The following INTS7 variants were observed in gnomAD, a reference collection of about 807,000 sequenced individuals.
INTS7 encodes the protein integrator complex subunit 7.
INTS7 carries 46 observed loss-of-function variants against 109.2 expected under a neutral mutation model. That is an observed-to-expected ratio of 0.42 (90% confidence interval 0.33 to 0.54). The LOEUF is 0.54. Ranked by LOEUF, INTS7 falls within the 20% of genes least tolerant of loss-of-function variation. The pLI, the probability that INTS7 is intolerant of heterozygous loss-of-function variation, is 0.07. For synonymous variants in INTS7, 412 were observed against 402.9 expected (o/e 1.02, Z -0.27); for missense variants, 929 against 1,132.4 (o/e 0.82, Z 2.58).
At chr1:211,982,633 TA>T in intron 9 of INTS7, 42 bp downstream of exon 9, 1 of 1,495,588 alleles carries the variant, frequency 6.7e-7, no homozygotes, top group Non-Finnish European at 9.0e-7. Flanking sequence ...GTCCAAGGTC[TA>T]AACCAAAGTT....
At chr1:211,960,484 C>CA (rs772088535) in intron 16 of INTS7, among the ~76,000 whole-genome samples, 3 of 152,028 alleles carry the variant, frequency 2.0e-5, no homozygotes, top group Non-Finnish European at 4.4e-5. Context: ...AAACAGAAAT[C>CA]AGAGTATGGA....
intron 1 of INTS7, among the ~76,000 whole-genome samples, chr1:212,021,670 C>T (rs1666712813): frequency 6.8e-6 from 1 of 147,754 alleles, no homozygotes; most frequent in Non-Finnish European, 1.5e-5. Context: ...CACAGTCAGA[C>T]CTCATCTCTT....
At chr1:212,030,329 C>T (rs1315208053) in intron 1 of INTS7, among the ~76,000 whole-genome samples, 1 of 151,302 alleles carries the variant, frequency 6.6e-6, no homozygotes, top group African/African-American at 2.4e-5. Context: ...ATTCTTGTCG[C>T]CCAGGCTGGA....
chr1:211,993,328 G>A (rs1205165076), intron 7 of INTS7, among the ~76,000 whole-genome samples: 1 of 152,150 alleles, frequency 6.6e-6, no homozygotes, highest in African/African-American at 2.4e-5. Context: ...AGACTATCTG[G>A]AACAAATAAT....
intron 16 of INTS7, among the ~76,000 whole-genome samples, chr1:211,961,576 C>A (rs529400810): frequency 2.0e-4 from 31 of 152,046 alleles, no homozygotes; most frequent in African/African-American, 6.7e-4. Flanking sequence ...ATTACAGGCA[C>A]GTGCCACCAT....
At chr1:211,966,403 G>A (rs972040614) in intron 16 of INTS7, 27 bp downstream of exon 16, 36 of 1,295,458 alleles carry the variant, frequency 2.8e-5, no homozygotes, top group Non-Finnish European at 3.7e-5. Context: ...GTTCTGTAAC[G>A]CCAACTATTA....
rs761230478 is a variant in INTS7 at position 211,942,109 on chromosome 1, T to C, written c.2604A>G (p.Ile868Met). The C allele has an allele frequency of 1.9e-6, 3 of 1,612,498 alleles. No individual in the cohort carries two copies. In the African/African-American group the frequency reaches 4.0e-5, roughly 22 times the overall value. The change falls in exon 20 of 20, where the codon ATA (isoleucine) becomes ATG (methionine). Residue 868 changes from isoleucine (I) to methionine (M), a missense_variant and splice_region_variant. Around this residue, in one of 2 missense-constraint regions of INTS7, gnomAD observed 787 missense variants for 901.1 expected, o/e 0.87. Coordinates refer to ENST00000366994, the MANE Select transcript of INTS7 (RefSeq NM_015434.4). This position sits in a 1 kb window ranked among gnomAD's most constrained non-coding sequence, Gnocchi z 4.2. ...TCTCATTGGTCATGTTGTCAATGGG[T>C]ATCTGCAATGAAACAATTGTTAACT... ...LQSKSGQDYK[I>M]PIDNMTNEME...
At chr1:212,024,118 A>C (rs368368108) in intron 1 of INTS7, among the ~76,000 whole-genome samples, 1 of 152,068 alleles carries the variant, frequency 6.6e-6, no homozygotes, top group East Asian at 1.9e-4. Flanking sequence ...GGCCTTACAA[A>C]ATAGTTTGAA....
intron 16 of INTS7, among the ~76,000 whole-genome samples, chr1:211,964,925 G>A (rs954870603): frequency 6.6e-6 from 1 of 152,094 alleles, no homozygotes; most frequent in African/African-American, 2.4e-5. Flanking sequence ...GATGCCAAAA[G>A]CAATTGCAAC....
At chr1:211,955,130 T>C (rs551033211) in intron 16 of INTS7, among the ~76,000 whole-genome samples, 2 of 152,352 alleles carry the variant, frequency 1.3e-5, no homozygotes, top group Non-Finnish European at 2.9e-5. Context: ...GTTGGATTCC[T>C]AGGTATTTTA....
Position 211,959,946 on chromosome 1 carries a change from G to A in INTS7, c.2183+6484C>T, listed in dbSNP as rs1015634695. On this transcript the variant is annotated intron_variant, in intron 16 of 19. Coordinates refer to ENST00000366994, the MANE Select transcript of INTS7 (RefSeq NM_015434.4). The surrounding 1 kb of genome is among the most constrained non-coding windows in gnomAD (Gnocchi z 4.2). ...CCCAGACCTGCTAGTATCCTGCCGC[G>A]GTGGACAAGTGTGCATCCCGTTATG... is the stretch of plus-strand genomic sequence containing the variant. 1.3e-5 allele frequency among the ~76,000 whole-genome samples: 2 copies of A among 151,638 alleles called. No homozygotes were observed. The highest frequency in any genetic ancestry group is 2.4e-5 in the African/African-American group (1 of 40,904).
At position 212,020,211 on chromosome 1, in the gene INTS7, C is replaced by T. The variant is rs1200453125; in HGVS notation, c.282G>A (p.Leu94=). 1.2e-6 allele frequency: 2 copies of T among 1,600,510 alleles called. No individual in the cohort carries two copies. The highest frequency in any genetic ancestry group is 1.7e-4 in the Middle Eastern group (1 of 5,996). ...ATTCATCCACATTTAGAATCTTCTC[C>T]AAATGTTTCTCACTTTGTTGGGTAA... ...LKVTQQSEKH[L]EKILNVDEFV... Residue 94 remains leucine (L), a synonymous_variant, in exon 3 of 20, where the codon TTG becomes TTA. Transcript: ENST00000366994.
intron 7 of INTS7, among the ~76,000 whole-genome samples, chr1:212,003,305 C>CAAAAA (rs35903155): frequency 1.6e-5 from 1 of 61,882 alleles, no homozygotes; most frequent in Non-Finnish European, 3.4e-5. Flanking sequence ...AATTTTAAAG[C>CAAAAA]AAAAAAAAAA....
In INTS7 at chr1:211,968,725, AAG is replaced by A. The variant is rs749846403; in HGVS notation, c.1816-20_1816-19del. 14 of 1,548,264 alleles carry A rather than the reference AAG, an allele frequency of 9.0e-6. No individual in the cohort carries two copies. In the African/African-American group the frequency reaches 1.1e-4, roughly 12 times the overall value. ...CTAGCTGCCTGGGAAAAAAAAAAAA[AAG>A]AGATATTTAAGACAAAGTAAACAGA... is the stretch of plus-strand genomic sequence containing the variant. On this transcript the variant is annotated intron_variant, in intron 13 of 19. Transcript: ENST00000366994.
intron 18 of INTS7, 45 bp from the exon 19 acceptor site, chr1:211,945,014 C>G: frequency 1.3e-6 from 2 of 1,581,700 alleles, no homozygotes; most frequent in Non-Finnish European, 1.7e-6. Flanking sequence ...CAAGAGCAAG[C>G]TTCCTTCCGA....
rs1664103324 is a variant in INTS7, at chr1:211,970,062, T to G, written c.1816-1355A>C. 2.0e-5 allele frequency among the ~76,000 whole-genome samples: 3 copies of G among 152,096 alleles called. No individual in the cohort carries two copies. The South Asian group carries it at 6.2e-4, about 32-fold the overall frequency. On this transcript the variant is annotated intron_variant, in intron 13 of 19. Transcript: ENST00000366994. ...TTGTAGAGACAGGGTCTCACTATGT[T>G]GCTCAGGCTGGCCTCAAACTCCTGT...
chr1:211,976,096 C>G (rs1028426228), intron 12 of INTS7, among the ~76,000 whole-genome samples: 2 of 152,138 alleles, frequency 1.3e-5, no homozygotes, highest in African/African-American at 4.8e-5. Context: ...GCCACCCCAC[C>G]CGGCCAGGAT....
intron 8 of INTS7, 123 bp downstream of exon 8, chr1:211,987,763 T>C (rs750426888): frequency 2.0e-6 from 1 of 501,534 alleles, no homozygotes; most frequent in Non-Finnish European, 3.6e-6. Flanking sequence ...ATCACTAGCA[T>C]GCAATGGAGT....
intron 6 of INTS7, 75 bp from the exon 7 acceptor site, chr1:212,006,836 G>C: frequency 7.9e-7 from 1 of 1,273,202 alleles, no homozygotes; most frequent in Non-Finnish European, 1.1e-6. Context: ...GTAGTTTAGT[G>C]AAACTTATAA....
Sources: allele counts gnomAD v4.1 joint callset (sites outside exome capture counted in the v4.1 genomes callset), GRCh38; gene constraint gnomAD v4.1.1; regional missense constraint gnomAD v4.1.1; non-coding constraint Gnocchi (gnomAD v3.1); transcripts MANE v1.5; gene names NCBI Gene and HGNC (gene_info 2026-07-23, HGNC 2026-07-21).